LAMA4: variants seen among roughly 807,000 people sequenced by gnomAD.
LAMA4 encodes the protein laminin subunit alpha 4.
Under a neutral mutation model 207.1 loss-of-function variants are expected in LAMA4, and 127 were observed. That is an observed-to-expected ratio of 0.61 (90% CI 0.53 to 0.71). The LOEUF is 0.71. Ranked by LOEUF, LAMA4 falls within the 30% of genes least tolerant of loss-of-function variation. The pLI is 0.00. For missense variants in LAMA4, 2,093 were observed against 2,246.5 expected (o/e 0.93, Z 1.38); for synonymous variants, 761 against 816.0 (o/e 0.93, Z 1.15).
At chr6:112,123,912 A>G (rs2114609263) in intron 31 of LAMA4, among the ~76,000 whole-genome samples, 1 of 152,188 alleles carries the variant, frequency 6.6e-6, no homozygotes, top group East Asian at 1.9e-4. Context: ...CCAGCTACCA[A>G]TACTTTTTGG....
intron 6 of LAMA4, among the ~76,000 whole-genome samples, chr6:112,190,922 TCTTTCTTTCTTTCTTTCTTTCTTTC>T (rs1562714212): frequency 5.4e-4 from 53 of 98,070 alleles, no homozygotes; most frequent in Middle Eastern, 4.9e-3. Context: ...TTTCTTTCTT[TCTTTCTTTCTTTCTTTCTTTCTTTC>T]CTTTCTTTCT....
chr6:112,197,173 T>G (rs1554350729), intron 5 of LAMA4, among the ~76,000 whole-genome samples: 1 of 152,206 alleles, frequency 6.6e-6, no homozygotes, highest in East Asian at 1.9e-4. Flanking sequence ...ATGGTCTAAA[T>G]ACAATACAAT....
intron 13 of LAMA4, among the ~76,000 whole-genome samples, chr6:112,160,789 T>A (rs1308938005): frequency 6.6e-6 from 1 of 152,238 alleles, no homozygotes; most frequent in African/African-American, 2.4e-5. Flanking sequence ...GTGATCTCAC[T>A]TCTTTCTCTG....
chr6:112,240,099 T>C (rs1554187347), intron 2 of LAMA4, among the ~76,000 whole-genome samples: 1 of 152,192 alleles, frequency 6.6e-6, no homozygotes, highest in East Asian at 1.9e-4. Flanking sequence ...CTTTTCATTG[T>C]TAAATTTCCT....
At chr6:112,114,258 A>G in intron 37 of LAMA4, 63 bp from the exon 38 acceptor site, 6 of 1,537,004 alleles carry the variant, frequency 3.9e-6, no homozygotes, top group Non-Finnish European at 5.4e-6. Context: ...TAACCTGAGA[A>G]AGACTATTTA....
At chr6:112,212,765 T>G (rs550140967) in intron 3 of LAMA4, among the ~76,000 whole-genome samples, 1 of 152,188 alleles carries the variant, frequency 6.6e-6, no homozygotes, top group African/African-American at 2.4e-5. Context: ...AATTTACAGT[T>G]GCAAGAAAAA....
At position 112,118,721 on chromosome 6, in the gene LAMA4, ATGTGTG is replaced by A. The variant is rs4036073; in HGVS notation, c.4821+429_4821+434del. Among the ~76,000 whole-genome samples the A allele has an allele frequency of 6.7e-5, 10 of 148,350 alleles. No homozygotes were observed. Among genetic ancestry groups the A allele is most frequent in the Middle Eastern group, 6.4e-3 (2 of 314 alleles). ...TTACAAATTGTGTGTGTGTGTGTGT[ATGTGTG>A]TGTGTGTGTGTGTGTGTGTAAGAAA... On this transcript the variant is annotated intron_variant, in intron 34 of 38. Transcript: ENST00000230538. This position sits in a 1 kb window ranked among gnomAD's most constrained non-coding sequence, Gnocchi z 4.6.
intron 17 of LAMA4, chr6:112,150,307 C>T (rs1354089532): frequency 4.9e-5 from 28 of 575,476 alleles, no homozygotes; most frequent in Non-Finnish European, 7.9e-5. Context: ...GTCACCTCTA[C>T]GTGGTGTGAT....
chr6:112,246,383 T>C lies in LAMA4; in HGVS notation c.195+7573A>G, dbSNP rs1584010424. On this transcript the variant is annotated intron_variant, in intron 2 of 38. Transcript: ENST00000230538. The stretch of plus-strand genomic sequence containing the variant: ...TTATGTCTGGCCATCATTATATTTA[T>C]GTGGTTACTATAAGCCAGAAAAAAC... 2.0e-5 allele frequency among the ~76,000 whole-genome samples: 3 copies of C among 152,222 alleles called. No homozygotes were observed. In the South Asian group the frequency reaches 6.2e-4, roughly 32 times the overall value.
At chr6:112,150,188 T>C (rs1463003900) in intron 17 of LAMA4, among the ~76,000 whole-genome samples, 1 of 144,584 alleles carries the variant, frequency 6.9e-6, no homozygotes, top group Non-Finnish European at 1.5e-5. Context: ...ATAAACAGCA[T>C]GATCCCATTA....
intron 2 of LAMA4, among the ~76,000 whole-genome samples, chr6:112,237,189 A>G (rs1447014764): frequency 4.6e-5 from 7 of 152,192 alleles, no homozygotes; most frequent in African/African-American, 1.7e-4. Context: ...AACAGGAAGC[A>G]TAAAAATATC....
chr6:112,194,628 G>T (rs1206430680), intron 5 of LAMA4, among the ~76,000 whole-genome samples: 2 of 152,200 alleles, frequency 1.3e-5, no homozygotes, highest in Non-Finnish European at 2.9e-5. Context: ...TAAATGACTT[G>T]TTCATTGCTG....
chr6:112,157,977 T>C (rs1486528946), intron 14 of LAMA4: 7 of 152,214 alleles, frequency 4.6e-5, no homozygotes, highest in African/African-American at 1.7e-4. Flanking sequence ...GATTTATATT[T>C]TGAACAGAAG....
At chr6:112,165,093 T>C in intron 13 of LAMA4, 67 bp downstream of exon 13, 1 of 844,476 alleles carries the variant, frequency 1.2e-6, no homozygotes, top group Non-Finnish European at 2.1e-6. Flanking sequence ...ATTATTATTC[T>C]GTGACACTGA....
intron 2 of LAMA4, among the ~76,000 whole-genome samples, chr6:112,240,051 G>T (rs1451454032): frequency 6.6e-6 from 1 of 151,554 alleles, no homozygotes; most frequent in African/African-American, 2.4e-5. Context: ...GCGAGACTCT[G>T]TCTCAAAAAA....
At chr6:112,163,140 TA>T (rs1193248671) in intron 13 of LAMA4, among the ~76,000 whole-genome samples, 5 of 125,812 alleles carry the variant, frequency 4.0e-5, no homozygotes, top group Admixed American at 8.7e-5. Context: ...CCTAGCTATT[TA>T]AAAAAAAATT....
At chr6:112,157,718 A>G (rs1409947949) in intron 14 of LAMA4, among the ~76,000 whole-genome samples, 1 of 152,230 alleles carries the variant, frequency 6.6e-6, no homozygotes, top group Non-Finnish European at 1.5e-5. Flanking sequence ...GAAGAGAGCC[A>G]TAAGATGGAT....
chr6:112,162,963 A>ATTTTTTTTTTTTTT (rs1554338801), intron 13 of LAMA4, among the ~76,000 whole-genome samples: 6 of 142,332 alleles, frequency 4.2e-5, no homozygotes, highest in African/African-American at 1.7e-4. Context: ...TGCAGCTCAA[A>ATTTTTTTTTTTTTT]TCTTTTTTTT....
chr6:112,211,327 T>G (rs79599061), intron 3 of LAMA4, among the ~76,000 whole-genome samples: 9,550 of 152,230 alleles, frequency 0.063, 352 homozygotes, highest in East Asian at 0.15. Flanking sequence ...GACCCAAGTA[T>G]CTCATAACAG....
Sources: allele counts gnomAD v4.1 joint callset (sites outside exome capture counted in the v4.1 genomes callset), GRCh38; gene constraint gnomAD v4.1.1; non-coding constraint Gnocchi (gnomAD v3.1); transcripts MANE v1.5; gene names NCBI Gene and HGNC (gene_info 2026-07-23, HGNC 2026-07-21).